Variants in PCDHA1 observed in about 807,000 individuals in gnomAD.
The protein encoded by PCDHA1 is protocadherin alpha-1.
A neutral mutation model predicts 61.3 loss-of-function variants in PCDHA1; 42 were observed. That is an observed-to-expected ratio of 0.69 (90% CI 0.54 to 0.89). The LOEUF is 0.89. PCDHA1 is among the 40% of genes least tolerant of loss of function. The pLI, the probability that PCDHA1 is intolerant of heterozygous loss-of-function variation, is 0.00. For synonymous variants in PCDHA1, 610 were observed against 553.8 expected, an observed-to-expected ratio of 1.10 and a Z score of -1.43; for missense variants, 1,256 against 1,235.3, an observed-to-expected ratio of 1.02 and a Z score of -0.25.
rs568406742 is a variant in PCDHA1, at chr5:140,787,534, G to A, written c.1244G>A (p.Arg415His). ...TTGGTGTTGGACAGCGCCCTGGATC[G>A]CGAGAGCCTGTCGGTCTATGAGCTG... ...YSLVLDSALDRESLSVYELVV... is the reference protein window; with the variant it reads ...YSLVLDSALDHESLSVYELVV... Residue 415 changes from arginine (R) to histidine (H), a missense_variant, in exon 1 of 4, where the codon CGC becomes CAC. Physicochemically the swap from Arg to His is conservative, Grantham distance 29 (BLOSUM62 0). Coordinates refer to ENST00000504120, the MANE Select transcript of PCDHA1 (RefSeq NM_018900.4). 1.2e-6 allele frequency: 2 copies of A among 1,614,210 alleles called. No individual in the cohort carries two copies. The highest frequency in any genetic ancestry group is 1.3e-5 in the African/African-American group (1 of 75,068).
intron 1 of PCDHA1, chr5:140,859,970 T>C (rs894279399): frequency 6.6e-6 from 1 of 152,018 alleles, no homozygotes; most frequent in Non-Finnish European, 1.5e-5. Context: ...GTCTCAGGTA[T>C]ACAAGTGCAT....
intron 1 of PCDHA1, among the ~76,000 whole-genome samples, chr5:140,932,481 C>T (rs945796094): frequency 6.6e-6 from 1 of 151,842 alleles, no homozygotes; most frequent in African/African-American, 2.4e-5. Flanking sequence ...AGGATATCTC[C>T]TCTTTGCAAT....
intron 1 of PCDHA1, chr5:140,794,999 G>C: frequency 6.2e-7 from 1 of 1,613,706 alleles, no homozygotes. Flanking sequence ...CGAGGGGCCT[G>C]GACACGGCTG....
At chr5:140,834,844 T>C in intron 1 of PCDHA1, 2 of 1,611,130 alleles carry the variant, frequency 1.2e-6, no homozygotes, top group Non-Finnish European at 1.7e-6. Flanking sequence ...CGGTTTCCAC[T>C]AGAGGGCGCG....
chr5:140,983,588 C>G (rs530448589), intron 3 of PCDHA1, among the ~76,000 whole-genome samples: 1 of 152,152 alleles, frequency 6.6e-6, no homozygotes, highest in African/African-American at 2.4e-5. Context: ...TACATCTATT[C>G]TACATATGAG....
At chr5:140,881,074 A>G (rs1416572917) in intron 1 of PCDHA1, among the ~76,000 whole-genome samples, 1 of 152,200 alleles carries the variant, frequency 6.6e-6, no homozygotes, top group African/African-American at 2.4e-5. Context: ...TAATTATTGG[A>G]GCTATGATAT....
intron 1 of PCDHA1, chr5:140,875,175 T>G (rs1301346750): frequency 5.0e-6 from 2 of 399,086 alleles, no homozygotes; most frequent in African/African-American, 4.1e-5. Context: ...GTCGAAACAT[T>G]AGAATTAAGA....
chr5:140,798,671 C>A (rs1241915387), intron 1 of PCDHA1, among the ~76,000 whole-genome samples: 1 of 152,168 alleles, frequency 6.6e-6, no homozygotes, highest in African/African-American at 2.4e-5. Context: ...ATCCATATTC[C>A]TAATGAAATT....
At chr5:140,896,858 A>C (rs1448787828) in intron 1 of PCDHA1, among the ~76,000 whole-genome samples, 3 of 152,192 alleles carry the variant, frequency 2.0e-5, no homozygotes, top group Non-Finnish European at 4.4e-5. Context: ...TGGGTACATA[A>C]TAAGTGTACA....
chr5:140,802,636 G>C, intron 1 of PCDHA1: 3 of 1,613,858 alleles, frequency 1.9e-6, no homozygotes, highest in South Asian at 1.1e-5. Context: ...GTGTCTGCGC[G>C]GGACGCGGAC....
At position 141,007,395 on chromosome 5, in the gene PCDHA1, CAAAA is replaced by C. The variant is rs35800918; in HGVS notation, c.2543-2212_2543-2209del. Among the ~76,000 whole-genome samples the C allele has an allele frequency of 1.2e-3, 116 of 94,838 alleles. No homozygotes were observed. In the Middle Eastern group the frequency reaches 0.016, roughly 13 times the overall value. 62.2% of individuals were successfully genotyped at this position (94,838 alleles called of 152,430 possible). ...ATGGAACACCATCTCTACTAAAATA[CAAAA>C]AAAAAAAAAAAAAAAAAAATTAGCC... is the stretch of plus-strand genomic sequence containing the variant. On this transcript the variant is annotated intron_variant, in intron 3 of 3. Coordinates refer to ENST00000504120, the MANE Select transcript of PCDHA1 (RefSeq NM_018900.4).
chr5:140,805,669 C>A (rs1238720033), intron 1 of PCDHA1: 6 of 832,912 alleles, frequency 7.2e-6, no homozygotes, highest in Non-Finnish European at 8.7e-6. Flanking sequence ...CATTAATACC[C>A]AGGATGATTC....
At chr5:140,824,494 T>C (rs1768139235) in intron 1 of PCDHA1, 2 of 339,832 alleles carry the variant, frequency 5.9e-6, no homozygotes, top group South Asian at 3.6e-5. Flanking sequence ...AGACCCTTTG[T>C]TGCTTAGTCT....
At chr5:140,915,753 G>A (rs1196952771) in intron 1 of PCDHA1, among the ~76,000 whole-genome samples, 1 of 151,952 alleles carries the variant, frequency 6.6e-6, no homozygotes, top group Non-Finnish European at 1.5e-5. Context: ...AGCCAGCACA[G>A]CCCTGGGTCT....
chr5:140,896,389 G>C (rs2065520134), intron 1 of PCDHA1, among the ~76,000 whole-genome samples: 1 of 152,124 alleles, frequency 6.6e-6, no homozygotes, highest in East Asian at 1.9e-4. Flanking sequence ...AACCTCACCA[G>C]CATCTGTTAT....
At position 140,787,940 on chromosome 5, in the gene PCDHA1, G is replaced by C. The variant is rs1213949635; in HGVS notation, c.1650G>C (p.Thr550=). Residue 550 remains threonine, a synonymous_variant, in exon 1 of 4, where the codon ACG becomes ACC. Transcript: ENST00000504120. The part of the protein sequence containing the change: ...AGVPPLGSNV[T]LQVFVLDEND... ...TGCCGCCTCTGGGCAGCAACGTGAC[G>C]CTGCAGGTGTTCGTGCTGGACGAGA... 3 of 1,613,748 alleles carry C rather than the reference G, an allele frequency of 1.9e-6. No homozygotes were observed. The highest frequency in any genetic ancestry group is 1.7e-5 in the Admixed American group (1 of 59,998).
At chr5:140,851,299 T>C (rs2042017269) in intron 1 of PCDHA1, 2 of 1,019,562 alleles carry the variant, frequency 2.0e-6, no homozygotes, top group East Asian at 1.2e-4. Flanking sequence ...AGCAAAAATA[T>C]ATAGCAATTG....
chr5:140,945,909 TC>T (rs1440194990), intron 1 of PCDHA1, among the ~76,000 whole-genome samples: 3 of 151,962 alleles, frequency 2.0e-5, no homozygotes, highest in African/African-American at 7.2e-5. Context: ...AGATGAAAGA[TC>T]AATAACACTG....
chr5:140,937,362 C>A lies in PCDHA1; in HGVS notation c.2395-41587C>A, dbSNP rs151333453. On this transcript the variant is annotated intron_variant, in intron 1 of 3. Coordinates refer to ENST00000504120, the MANE Select transcript of PCDHA1 (RefSeq NM_018900.4). ...TCTTCCATTTATTTTATTATTTTAT[C>A]TTAATGTTTATGTGTGTGTATGTGT... Among the ~76,000 whole-genome samples the A allele has an allele frequency of 4.1e-4, 62 of 152,138 alleles. No individual in the cohort carries two copies. In the East Asian group the frequency reaches 0.01, roughly 25 times the overall value.
Sources: gnomAD v4.1 joint callset for allele counts (sites outside exome capture counted in the v4.1 genomes callset) on GRCh38, gnomAD v4.1.1 for gene constraint, MANE v1.5 for transcripts, NCBI Gene and HGNC (gene_info 2026-07-23, HGNC 2026-07-21) for gene names.